The following TAFA1 variants were observed in gnomAD, a reference collection of about 807,000 sequenced individuals.
The protein encoded by TAFA1 is TAFA chemokine like family member 1.
Under a neutral mutation model 18.5 loss-of-function variants are expected in TAFA1, and 4 were observed. That is an observed-to-expected ratio of 0.22 (90% CI 0.11 to 0.49). The LOEUF (loss-of-function observed/expected upper bound fraction) is 0.49, where lower values mean the gene tolerates loss of function less well. Among genes scored for constraint, TAFA1 ranks in the 20% least tolerant of loss-of-function variants. The pLI is 0.98. For missense variants in TAFA1, 147 were observed against 169.0 expected (o/e 0.87, Z 0.72); for synonymous variants, 56 against 55.2 (o/e 1.01, Z -0.06).
rs574870191 is a variant in TAFA1 at position 68,518,209 on chromosome 3, G to T, written c.260-20547G>T. On this transcript the variant is annotated intron_variant, in intron 3 of 4. Transcript: ENST00000478136. ...TGGGCATGTTATGTAGCCTCCTTTT[G>T]ATTGGTTTCCTCCTCTCTAAAATGA... Among the ~76,000 whole-genome samples, 121 of 152,240 alleles carry T rather than the reference G, an allele frequency of 7.9e-4. 1 individual carries two copies. The South Asian group carries it at 0.024, about 31-fold the overall frequency.
intron 2 of TAFA1, among the ~76,000 whole-genome samples, chr3:68,383,794 A>G (rs1559644120): frequency 6.6e-6 from 1 of 152,078 alleles, no homozygotes; most frequent in Admixed American, 6.6e-5. Context: ...TTCAGCTGTG[A>G]AACCTTCTGG....
intron 2 of TAFA1, among the ~76,000 whole-genome samples, chr3:68,016,549 C>T (rs890128164): frequency 1.3e-5 from 2 of 152,132 alleles, no homozygotes; most frequent in South Asian, 4.1e-4. Context: ...TGCTATACAG[C>T]TTGTAGCTTA....
At chr3:68,453,536 A>C (rs534485327) in intron 3 of TAFA1, among the ~76,000 whole-genome samples, 19 of 152,306 alleles carry the variant, frequency 1.2e-4, no homozygotes, top group Non-Finnish European at 2.4e-4. Flanking sequence ...GGAAAATGCA[A>C]ATACAAATCT....
At chr3:68,433,252 C>T (rs1046059133) in intron 3 of TAFA1, among the ~76,000 whole-genome samples, 11 of 152,034 alleles carry the variant, frequency 7.2e-5, no homozygotes, top group Non-Finnish European at 1.6e-4. Context: ...TCCATTTTGT[C>T]ATCAGAACTC....
chr3:68,214,439 C>T (rs2066630905), intron 2 of TAFA1, among the ~76,000 whole-genome samples: 1 of 151,994 alleles, frequency 6.6e-6, no homozygotes, highest in Admixed American at 6.6e-5. Flanking sequence ...AGGCCTTTCC[C>T]TTTGCACAAA....
At chr3:68,214,967 A>G (rs898621071) in intron 2 of TAFA1, among the ~76,000 whole-genome samples, 1 of 151,978 alleles carries the variant, frequency 6.6e-6, no homozygotes, top group African/African-American at 2.4e-5. Flanking sequence ...TAGAGGTTGT[A>G]TATACTGTTG....
At chr3:68,132,001 G>C (rs2065545333) in intron 2 of TAFA1, among the ~76,000 whole-genome samples, 1 of 151,966 alleles carries the variant, frequency 6.6e-6, no homozygotes, top group African/African-American at 2.4e-5. Flanking sequence ...TCTACATTAG[G>C]TATTTCTCCT....
intron 2 of TAFA1, among the ~76,000 whole-genome samples, chr3:68,370,446 GTA>G (rs1176553310): frequency 1.9e-3 from 50 of 26,472 alleles, no homozygotes; most frequent in East Asian, 0.013. Context: ...ATATACATAT[GTA>G]TATATATGTG....
intron 4 of TAFA1, among the ~76,000 whole-genome samples, chr3:68,542,186 C>A (rs554201936): frequency 9.9e-5 from 15 of 152,274 alleles, no homozygotes; most frequent in African/African-American, 3.6e-4. Context: ...GAAGTATTCA[C>A]CTTGAAAGGT....
intron 2 of TAFA1, among the ~76,000 whole-genome samples, chr3:68,288,482 A>G (rs192710429): frequency 7.6e-4 from 115 of 152,214 alleles, no homozygotes; most frequent in African/African-American, 2.6e-3. Context: ...CGCCATTTGC[A>G]CCAAGTTGGT....
In TAFA1 at chr3:68,369,540, C is replaced by A. The variant is rs561618844; in HGVS notation, c.119-47740C>A. On this transcript the variant is annotated intron_variant, in intron 2 of 4. Transcript: ENST00000478136. ...AAAATTGGTGCTATCAACCCTGTCA[C>A]CCCATTGGTTGTTAGCCAATAGTAG... Among the ~76,000 whole-genome samples, 3 of 152,308 alleles carry A rather than the reference C, an allele frequency of 2.0e-5. No individual in the cohort carries two copies. The South Asian group carries it at 6.2e-4, about 32-fold the overall frequency.
At chr3:68,065,721 T>C (rs2064666295) in intron 2 of TAFA1, among the ~76,000 whole-genome samples, 1 of 80,532 alleles carries the variant, frequency 1.2e-5, no homozygotes, top group African/African-American at 5.5e-5. Context: ...CATAGATGTT[T>C]GTGTGTATGT....
intron 3 of TAFA1, among the ~76,000 whole-genome samples, chr3:68,528,006 G>T (rs2073131962): frequency 6.6e-6 from 1 of 152,058 alleles, no homozygotes; most frequent in Non-Finnish European, 1.5e-5. Flanking sequence ...GTATGTCTTT[G>T]AAATATAATG....
chr3:68,373,429 T>G (rs1380398916), intron 2 of TAFA1, among the ~76,000 whole-genome samples: 1 of 152,172 alleles, frequency 6.6e-6, no homozygotes, highest in Non-Finnish European at 1.5e-5. Flanking sequence ...CCCTAAAAAC[T>G]TACTCTTTCA....
intron 2 of TAFA1, among the ~76,000 whole-genome samples, chr3:68,357,624 G>T (rs146949495): frequency 6.6e-6 from 1 of 151,974 alleles, no homozygotes; most frequent in East Asian, 1.9e-4. Context: ...CCAATTAGCT[G>T]ACAAGTGGTT....
At chr3:68,487,518 C>A (rs892845527) in intron 3 of TAFA1, among the ~76,000 whole-genome samples, 1 of 151,944 alleles carries the variant, frequency 6.6e-6, no homozygotes, top group Non-Finnish European at 1.5e-5. Flanking sequence ...GAGGCCGAGG[C>A]GGGCGGATCA....
intron 2 of TAFA1, among the ~76,000 whole-genome samples, chr3:68,381,973 A>T (rs960417085): frequency 1.3e-5 from 2 of 152,142 alleles, no homozygotes; most frequent in Non-Finnish European, 2.9e-5. Context: ...GAGACTTTTT[A>T]GCATGAAGGG....
chr3:68,085,111 C>T (rs909005767), intron 2 of TAFA1, among the ~76,000 whole-genome samples: 46 of 152,286 alleles, frequency 3.0e-4, no homozygotes, highest in Admixed American at 1.1e-3. Flanking sequence ...AATAGGATTT[C>T]TCACCTACTG....
intron 2 of TAFA1, among the ~76,000 whole-genome samples, chr3:68,285,920 A>G (rs1221977461): frequency 6.6e-6 from 1 of 152,200 alleles, no homozygotes; most frequent in African/African-American, 2.4e-5. Flanking sequence ...CAGCACAAAA[A>G]TAGTAGACCA....
Sources: gnomAD v4.1 joint callset for allele counts (sites outside exome capture counted in the v4.1 genomes callset) on GRCh38, gnomAD v4.1.1 for gene constraint, MANE v1.5 for transcripts, NCBI Gene and HGNC (gene_info 2026-07-23, HGNC 2026-07-21) for gene names.